The following ARHGDIB variants were observed in gnomAD, a reference collection of about 807,000 sequenced individuals.
ARHGDIB encodes Rho GDP dissociation inhibitor beta.
In ARHGDIB, 20 loss-of-function variants were observed where a neutral mutation model predicts 22.6. The observed-to-expected ratio is 0.88, with a 90% CI of 0.62 to 1.28. The LOEUF is 1.28. ARHGDIB is among the 50% of genes most tolerant of loss of function. ARHGDIB has a pLI of 0.00. For synonymous variants in ARHGDIB, 114 were observed against 96.1 expected (o/e 1.19, Z -1.09); for missense variants, 254 against 245.4 (o/e 1.04, Z -0.23).
chr12:14,957,405 CT>C (rs1258501057), intron 1 of ARHGDIB, among the ~76,000 whole-genome samples: 1 of 152,204 alleles, frequency 6.6e-6, no homozygotes, highest in African/African-American at 2.4e-5. Flanking sequence ...ACACCAAATA[CT>C]TTCCCCTGGA....
At position 14,950,610 on chromosome 12, in the gene ARHGDIB, G is replaced by C; in HGVS notation, c.103C>G (p.Leu35Val). 1 of 1,614,024 alleles carries C rather than the reference G, an allele frequency of 6.2e-7. No homozygotes were observed. The highest frequency in any genetic ancestry group is 1.7e-4 in the Middle Eastern group (1 of 6,058). ...KPPPQKSLKE[L>V]QEMDKDDESL... The stretch of plus-strand genomic sequence containing the variant: ...TCATCATCTTTGTCCATTTCCTGCA[G>C]CTCTTTCAGGGACTTCTGTGGTGGA... The change falls in exon 2 of 6, where the codon CTG becomes GTG. Residue 35 changes from leucine (L) to valine (V), a missense_variant. By Grantham distance (32) the Leu-to-Val change is conservative (BLOSUM62 1). Transcript: ENST00000228945.
In ARHGDIB at chr12:14,950,619, G is replaced by T. The variant is rs1175120615; in HGVS notation, c.94C>A (p.Leu32Met). 4 of 1,613,988 alleles carry T rather than the reference G, an allele frequency of 2.5e-6. No individual in the cohort carries two copies. In the Admixed American group the frequency reaches 6.7e-5, roughly 27 times the overall value. ...LNYKPPPQKS[L>M]KELQEMDKDD... is the part of the protein sequence containing the mutation. ...TTGTCCATTTCCTGCAGCTCTTTCA[G>T]GGACTTCTGTGGTGGAGGCTTATAA... Residue 32 changes from leucine (L) to methionine (M), a missense_variant, in exon 2 of 6, where the codon CTG becomes ATG. Transcript: ENST00000228945.
At chr12:14,947,533 C>G (rs1339604828) in intron 4 of ARHGDIB, among the ~76,000 whole-genome samples, 2 of 152,036 alleles carry the variant, frequency 1.3e-5, no homozygotes, top group African/African-American at 2.4e-5. Context: ...ACAATTTCAC[C>G]CTAGATTGAG....
Position 14,945,206 on chromosome 12 carries a change from T to G in ARHGDIB, c.343-367A>C, listed in dbSNP as rs940964841. 3.9e-5 allele frequency among the ~76,000 whole-genome samples: 6 copies of G among 152,330 alleles called. No homozygotes were observed. In the East Asian group the frequency reaches 1.2e-3, roughly 29 times the overall value. On this transcript the variant is annotated intron_variant, in intron 4 of 5. Transcript: ENST00000228945. Reference sequence around the variant, plus strand: ...AATACTGCTGACCAAGAGACCATCCTTGTCTTAGGAAAAGTTATGAAGATA... The same window carrying G: ...AATACTGCTGACCAAGAGACCATCCGTGTCTTAGGAAAAGTTATGAAGATA...
intron 1 of ARHGDIB, among the ~76,000 whole-genome samples, chr12:14,960,033 C>T (rs963879560): frequency 2.0e-5 from 3 of 152,192 alleles, no homozygotes; most frequent in Non-Finnish European, 4.4e-5. Context: ...CCTGTCTCTC[C>T]GGACCAACAG....
chr12:14,961,272 T>C (rs760315526), intron 1 of ARHGDIB: 3 of 152,216 alleles, frequency 2.0e-5, no homozygotes, highest in Non-Finnish European at 4.4e-5. Flanking sequence ...TCTGAGAATA[T>C]TCAGGATTGC....
In ARHGDIB at chr12:14,942,500, G is replaced by T. The variant is rs760868737; in HGVS notation, c.*22C>A. On this transcript the variant is annotated 3_prime_UTR_variant, in exon 6 of 6. Coordinates refer to ENST00000228945, the MANE Select transcript of ARHGDIB (RefSeq NM_001175.7). ...GAGAGAATTCTTCCAGGTGGCAAGG[G>T]TGGGGAAAGGGGTGGATGCATTCAT... 6.2e-7 allele frequency: 1 copy of T among 1,613,378 alleles called. No individual in the cohort carries two copies. The highest frequency in any genetic ancestry group is 1.3e-5 in the African/African-American group (1 of 75,038).
chr12:14,954,315 G>A (rs1193981758), intron 1 of ARHGDIB, among the ~76,000 whole-genome samples: 1 of 152,178 alleles, frequency 6.6e-6, no homozygotes, highest in Non-Finnish European at 1.5e-5. Context: ...ACACAACTTA[G>A]TCTCAAGCTG....
Position 14,942,259 on chromosome 12 carries a change from T to C in ARHGDIB, c.*263A>G, listed in dbSNP as rs769714162. On this transcript the variant is annotated 3_prime_UTR_variant, in exon 6 of 6. Coordinates refer to ENST00000228945, the MANE Select transcript of ARHGDIB (RefSeq NM_001175.7). Reference sequence around the variant, plus strand: ...TGAATAGGGGTAAGACAGGGAAATATTAAATGATTGTGTACTGAGATGGAG... The same window carrying C: ...TGAATAGGGGTAAGACAGGGAAATACTAAATGATTGTGTACTGAGATGGAG... 3 of 474,950 alleles carry C rather than the reference T, an allele frequency of 6.3e-6. No homozygotes were observed. Among genetic ancestry groups the C allele is most frequent in the Non-Finnish European group, 1.2e-5 (3 of 259,700 alleles). 29.4% of individuals were successfully genotyped at this position (474,950 alleles called of 1,614,324 possible).
intron 1 of ARHGDIB, among the ~76,000 whole-genome samples, chr12:14,957,865 G>GGA (rs1405872561): frequency 6.6e-6 from 1 of 151,886 alleles, no homozygotes; most frequent in African/African-American, 2.4e-5. Flanking sequence ...GAGAGAAAGA[G>GGA]GAGAGAGAGA....
intron 4 of ARHGDIB, among the ~76,000 whole-genome samples, chr12:14,945,553 C>T (rs1863993848): frequency 6.6e-6 from 1 of 152,212 alleles, no homozygotes; most frequent in Non-Finnish European, 1.5e-5. Context: ...CCTGGGTTGT[C>T]TGTTAATTTT....
intron 1 of ARHGDIB, among the ~76,000 whole-genome samples, chr12:14,954,034 A>G (rs573431969): frequency 2.7e-5 from 4 of 150,818 alleles, no homozygotes; most frequent in Non-Finnish European, 5.9e-5. Flanking sequence ...GCTGGAGTAC[A>G]GTGGCTCTAT....
At position 14,942,740 on chromosome 12, in the gene ARHGDIB, T is replaced by A. The variant is rs1172266494; in HGVS notation, c.407-19A>T. On this transcript the variant is annotated intron_variant, in intron 5 of 5. Transcript: ENST00000228945. ...TTATCCACTAAGAAGAAAGAAGAGT[T>A]CATTAGGGTAAGAGCCTGATAGAGG... 2 of 1,610,838 alleles carry A rather than the reference T, an allele frequency of 1.2e-6. No homozygotes were observed. The highest frequency in any genetic ancestry group is 3.3e-5 in the Admixed American group (2 of 59,970).
intron 1 of ARHGDIB, among the ~76,000 whole-genome samples, chr12:14,959,109 T>C (rs1015415919): frequency 6.6e-6 from 1 of 151,994 alleles, no homozygotes; most frequent in Admixed American, 6.5e-5. Flanking sequence ...GGTGACAGAG[T>C]GAGACTTGTC....
Position 14,944,768 on chromosome 12 carries a change from T to C in ARHGDIB, c.406+8A>G. On this transcript the variant is annotated splice_region_variant and intron_variant, in intron 5 of 5. Coordinates refer to ENST00000228945, the MANE Select transcript of ARHGDIB (RefSeq NM_001175.7). ...TTTGGGACAGTGTGGAAATGTGGGT[T>C]CCCTTACCTTTCACCCCAGTCCTGT... 1 of 1,612,338 alleles carries C rather than the reference T, an allele frequency of 6.2e-7. No individual in the cohort carries two copies. The highest frequency in any genetic ancestry group is 1.7e-5 in the Admixed American group (1 of 59,736).
chr12:14,959,001 C>T (rs1018399076), intron 1 of ARHGDIB, among the ~76,000 whole-genome samples: 3 of 152,178 alleles, frequency 2.0e-5, no homozygotes, highest in African/African-American at 7.2e-5. Context: ...GAGAAAATTT[C>T]TTCCATGTGA....
chr12:14,958,576 GCCA>G (rs1184902136), intron 1 of ARHGDIB, among the ~76,000 whole-genome samples: 4 of 152,182 alleles, frequency 2.6e-5, no homozygotes, highest in African/African-American at 9.7e-5. Flanking sequence ...GTGAAGTCAT[GCCA>G]CCAAGTACCT....
At chr12:14,949,240 G>A (rs1159883814) in intron 3 of ARHGDIB, among the ~76,000 whole-genome samples, 1 of 152,140 alleles carries the variant, frequency 6.6e-6, no homozygotes, top group Non-Finnish European at 1.5e-5. Flanking sequence ...AAGTCTCAGG[G>A]AAAGGCTTGA....
At chr12:14,948,543 T>C (rs1256630149) in intron 3 of ARHGDIB, among the ~76,000 whole-genome samples, 3 of 152,232 alleles carry the variant, frequency 2.0e-5, no homozygotes, top group Admixed American at 2.0e-4. Flanking sequence ...GGAATATCAC[T>C]GAAGTTATAA....
Sources: gnomAD v4.1 joint callset for allele counts (sites outside exome capture counted in the v4.1 genomes callset) on GRCh38, gnomAD v4.1.1 for gene constraint, MANE v1.5 for transcripts, NCBI Gene and HGNC (gene_info 2026-07-23, HGNC 2026-07-21) for gene names.